TPM2: variants seen among roughly 807,000 people sequenced by gnomAD.
TPM2 encodes tropomyosin 2.
TPM2 carries 26 observed loss-of-function variants against 41.0 expected under a neutral mutation model. The ratio of observed to expected loss-of-function variants is 0.63; its 90% CI spans 0.46 to 0.88. The LOEUF is 0.88. TPM2 is among the 40% of genes least tolerant of loss of function. The pLI is 0.00. For synonymous variants in TPM2, 143 were observed against 139.3 expected (o/e 1.03, Z -0.19); for missense variants, 187 against 355.2 (o/e 0.53, Z 3.81).
intron 1 of TPM2, 103 bp from the exon 2 acceptor site, chr9:35,689,374 G>A: frequency 1.3e-6 from 2 of 1,550,494 alleles, no homozygotes. Context: ...AGGCTACTGG[G>A]ATGGAAGCGG....
chr9:35,685,051 G>C lies in TPM2; in HGVS notation c.563+218C>G. ...AGGCGCCATTGCCCAGAAAGGTTCAGAGGGGTCACTACCTCCTCCTCTGAG... is the reference window on the plus strand; with the variant it reads ...AGGCGCCATTGCCCAGAAAGGTTCACAGGGGTCACTACCTCCTCCTCTGAG... On this transcript the variant is annotated intron_variant, in intron 5 of 8. Transcript: ENST00000645482. The surrounding 1 kb of genome is among the most constrained non-coding windows in gnomAD (Gnocchi z 5.0). 1 of 1,614,214 alleles carries C rather than the reference G, an allele frequency of 6.2e-7. No homozygotes were observed. Among genetic ancestry groups the C allele is most frequent in the African/African-American group, 1.3e-5 (1 of 75,044 alleles).
At position 35,689,862 on chromosome 9, in the gene TPM2, A is replaced by ACGGACTGGGCTGGGTGAG. The variant is rs760816507; in HGVS notation, c.-63_-46dup. On this transcript the variant is annotated 5_prime_UTR_variant, in exon 1 of 9. Transcript: ENST00000645482. ...CCGGCCGGCAGGCGGTGAGGACCGG[A>ACGGACTGGGCTGGGTGAG]CGGACTGGGCTGGGTGAGCGGACTG... 1.4e-5 allele frequency: 23 copies of ACGGACTGGGCTGGGTGAG among 1,611,658 alleles called. No homozygotes were observed. Among genetic ancestry groups the ACGGACTGGGCTGGGTGAG allele is most frequent in the Non-Finnish European group, 1.9e-5 (22 of 1,178,906 alleles).
rs777513303 is a variant in TPM2 at position 35,684,716 on chromosome 9, C to T, written c.639+16G>A. 9 of 1,614,188 alleles carry T rather than the reference C, an allele frequency of 5.6e-6. No homozygotes were observed. Among genetic ancestry groups the T allele is most frequent in the Non-Finnish European group, 7.6e-6 (9 of 1,180,038 alleles). Reference sequence around the variant, plus strand: ...CTGTGGGACCCCATCCTCACTGCCCCTCTGCTCCCCTCTACCTTGTCCGCC... The same window carrying T: ...CTGTGGGACCCCATCCTCACTGCCCTTCTGCTCCCCTCTACCTTGTCCGCC... On this transcript the variant is annotated intron_variant, in intron 6 of 8. Transcript: ENST00000645482.
intron 1 of TPM2, 121 bp from the exon 2 acceptor site, chr9:35,689,392 T>TA: frequency 6.6e-7 from 1 of 1,509,742 alleles, no homozygotes. Context: ...CGGAATAACA[T>TA]AAAAGGGACA....
downstream of TPM2, chr9:35,682,898 G>T: frequency 3.4e-6 from 5 of 1,485,718 alleles, no homozygotes; most frequent in Non-Finnish European, 4.5e-6. Context: ...GGCGATAGAG[G>T]TGCTCTCTGG....
upstream of TPM2, chr9:35,690,029 G>A (rs1563932990): frequency 7.2e-7 from 1 of 1,384,328 alleles, no homozygotes; most frequent in Non-Finnish European, 9.4e-7. Context: ...AGGGGCAGAA[G>A]CACGGCCCGG....
chr9:35,689,362 G>A, intron 1 of TPM2, 91 bp from the exon 2 acceptor site: 2 of 1,575,158 alleles, frequency 1.3e-6, no homozygotes, highest in Non-Finnish European at 8.6e-7. Context: ...ACTAAGATTT[G>A]GAGGCTACTG....
chr9:35,689,196 C>A lies in TPM2; in HGVS notation c.190G>T (p.Val64Leu). The A allele has an allele frequency of 6.2e-7, 1 of 1,614,184 alleles. No individual in the cohort carries two copies. The highest frequency in any genetic ancestry group is 1.3e-5 in the African/African-American group (1 of 75,058). ...EDEVEKYSES[V>L]KEAQEKLEQA... is the part of the protein sequence containing the mutation. ...TCCAGTTTCTCCTGGGCCTCCTTCACGGATTCAGAATACTTTTCCACCTCA... is the reference window on the plus strand; with the variant it reads ...TCCAGTTTCTCCTGGGCCTCCTTCAAGGATTCAGAATACTTTTCCACCTCA... Residue 64 changes from valine (V) to leucine (L), a missense_variant, in exon 2 of 9, where the codon GTG becomes TTG. Coordinates refer to ENST00000645482, the MANE Select transcript of TPM2 (RefSeq NM_003289.4).
chr9:35,689,995 C>T (rs1490694394), upstream of TPM2: 5 of 1,464,724 alleles, frequency 3.4e-6, no homozygotes, highest in Admixed American at 1.2e-4. Flanking sequence ...CCAGGACCCT[C>T]CCCCACCTCG....
Position 35,684,810 on chromosome 9 carries a change from G to A in TPM2, c.564-3C>T. 6.3e-7 allele frequency: 1 copy of A among 1,582,180 alleles called. No homozygotes were observed. Among genetic ancestry groups the A allele is most frequent in the Non-Finnish European group, 8.6e-7 (1 of 1,167,886 alleles). On this transcript the variant is annotated splice_region_variant and splice_polypyrimidine_tract_variant and intron_variant, in intron 5 of 8. Coordinates refer to ENST00000645482, the MANE Select transcript of TPM2 (RefSeq NM_003289.4). ...CCTCCTCTAGGTCCCCACATTTACT[G>A]CAGGGGGTGTGTGGCGGGGGGGGCA... is the stretch of plus-strand genomic sequence containing the variant.
chr9:35,682,548 G>A (rs1824624749), downstream of TPM2: 1 of 1,246,082 alleles, frequency 8.0e-7, no homozygotes. Flanking sequence ...AAAGCCCCAT[G>A]TTGCTGATAT....
rs1824893338 is a variant in TPM2, at chr9:35,686,097, A to G, written c.241-317T>C. On this transcript the variant is annotated intron_variant, in intron 2 of 8. Transcript: ENST00000645482. ...GAAACTCTGTCTCTATTAAAAATAA[A>G]AAATTAGCCAGGCATGGTGGCGCAT... Among the ~76,000 whole-genome samples, 3 of 152,156 alleles carry G rather than the reference A, an allele frequency of 2.0e-5. No homozygotes were observed. The South Asian group carries it at 6.2e-4, about 32-fold the overall frequency.
At chr9:35,686,144 G>A (rs1824896708) in intron 2 of TPM2, among the ~76,000 whole-genome samples, 1 of 152,150 alleles carries the variant, frequency 6.6e-6, no homozygotes, top group African/African-American at 2.4e-5. Flanking sequence ...CAGCTACTTG[G>A]GAGGCTGAGG....
chr9:35,684,203 T>C, intron 8 of TPM2, 43 bp downstream of exon 8: 1 of 1,589,152 alleles, frequency 6.3e-7, no homozygotes, highest in Non-Finnish European at 8.6e-7. Context: ...GACAGACTGA[T>C]AATCACGGCA....
intron 6 of TPM2, 40 bp downstream of exon 6, chr9:35,684,692 T>C: frequency 1.2e-6 from 2 of 1,614,058 alleles, no homozygotes; most frequent in Non-Finnish European, 8.5e-7. Context: ...CTCCCTCCCC[T>C]GTGGGACCCC....
At chr9:35,684,676 C>G (rs1210834907) in intron 6 of TPM2, 56 bp downstream of exon 6, 3 of 1,613,062 alleles carry the variant, frequency 1.9e-6, no homozygotes, top group East Asian at 2.2e-5. Context: ...GCCTTGGGCC[C>G]CTCACCTCCC....
At chr9:35,686,636 C>CAAAA (rs11408936) in intron 2 of TPM2, among the ~76,000 whole-genome samples, 3 of 104,374 alleles carry the variant, frequency 2.9e-5, no homozygotes, top group East Asian at 2.8e-4. Flanking sequence ...GATCCCATCT[C>CAAAA]AAAAAAAAAA....
chr9:35,685,464 G>A lies in TPM2; in HGVS notation c.462C>T (p.Ile154=), dbSNP rs1294721413. 10 of 1,614,210 alleles carry A rather than the reference G, an allele frequency of 6.2e-6. No individual in the cohort carries two copies. Among genetic ancestry groups the A allele is most frequent in the Admixed American group, 3.3e-5 (2 of 60,024 alleles). The change falls in exon 4 of 9, where the codon ATC becomes ATT. Residue 154 remains isoleucine, a synonymous_variant. Coordinates refer to ENST00000645482, the MANE Select transcript of TPM2 (RefSeq NM_003289.4). This position sits in a 1 kb window ranked among gnomAD's most constrained non-coding sequence, Gnocchi z 5.0. ...QEMQLKEAKH[I]AEDSDRKYEE... is the part of the protein sequence containing the mutation. ...CATATTTGCGGTCTGAATCCTCAGC[G>A]ATGTGCTTGGCCTCCTTCAGCTGCA... is the stretch of plus-strand genomic sequence containing the variant.
At chr9:35,683,856 C>T (rs1414195951) in intron 8 of TPM2, among the ~76,000 whole-genome samples, 3 of 152,192 alleles carry the variant, frequency 2.0e-5, no homozygotes, top group Non-Finnish European at 2.9e-5. Context: ...AACTCTACTG[C>T]GTTACACTCG....
Sources: allele counts gnomAD v4.1 joint callset (sites outside exome capture counted in the v4.1 genomes callset), GRCh38; gene constraint gnomAD v4.1.1; non-coding constraint Gnocchi (gnomAD v3.1); transcripts MANE v1.5; gene names NCBI Gene and HGNC (gene_info 2026-07-23, HGNC 2026-07-21).